EIF3M: variants seen among roughly 807,000 people sequenced by gnomAD.
The protein encoded by EIF3M is eukaryotic translation initiation factor 3 subunit M, also known as B5 receptor.
A neutral mutation model predicts 49.7 loss-of-function variants in EIF3M; 25 were observed. That is an observed-to-expected ratio of 0.50 (90% confidence interval 0.37 to 0.70). The LOEUF is 0.70. EIF3M is among the 30% of genes least tolerant of loss of function. EIF3M has a pLI of 0.00. For synonymous variants in EIF3M, 156 were observed against 149.8 expected (o/e 1.04, Z -0.30); for missense variants, 350 against 440.0 (o/e 0.80, Z 1.83).
In EIF3M at chr11:32,603,319, A is replaced by G; in HGVS notation, c.*920A>G. 3.9e-6 allele frequency: 1 copy of G among 258,278 alleles called. No individual in the cohort carries two copies. Among genetic ancestry groups the G allele is most frequent in the Non-Finnish European group, 7.3e-6 (1 of 137,186 alleles). 16.0% of individuals were successfully genotyped at this position (258,278 alleles called of 1,614,324 possible). A position where few individuals can be genotyped will look rare whatever the true frequency, so the allele number is the denominator to read the frequency against. On this transcript the variant is annotated 3_prime_UTR_variant, in exon 11 of 11. Transcript: ENST00000531120. ...TTGAAGAAACAGGAAGGGCAGTGAG[A>G]TATTTGGAAGTTGGCATGTTTTCAA... is the stretch of plus-strand genomic sequence containing the variant.
At chr11:32,592,742 G>T (rs573935435) in intron 5 of EIF3M, 1 of 491,294 alleles carries the variant, frequency 2.0e-6, no homozygotes, top group South Asian at 1.5e-5. Context: ...TTTTTTAGCT[G>T]CTCTGGCTCC....
rs1855297373 is a variant in EIF3M at position 32,603,058 on chromosome 11, A to C, written c.*659A>C. The C allele has an allele frequency of 6.7e-7, 1 of 1,496,206 alleles. No homozygotes were observed. The highest frequency in any genetic ancestry group is 1.4e-5 in the African/African-American group (1 of 70,894). The allele number at this position is 1,496,206 out of a possible 1,614,324, so 92.7% of individuals were successfully genotyped here. A position where few individuals can be genotyped will look rare whatever the true frequency, so the allele number is the denominator to read the frequency against. ...AACTAATTTTACCTTCGAAATTATT[A>C]TACAAAAGATTTTAAAGAGTCTGTA... On this transcript the variant is annotated 3_prime_UTR_variant, in exon 11 of 11. Coordinates refer to ENST00000531120, the MANE Select transcript of EIF3M (RefSeq NM_006360.6).
chr11:32,602,793 T>G lies in EIF3M; in HGVS notation c.*394T>G, dbSNP rs1445185930. 1 of 1,493,534 alleles carries G rather than the reference T, an allele frequency of 6.7e-7. No individual in the cohort carries two copies. Among genetic ancestry groups the G allele is most frequent in the African/African-American group, 1.4e-5 (1 of 70,728 alleles). 92.5% of individuals were successfully genotyped at this position (1,493,534 alleles called of 1,614,324 possible). A position where few individuals can be genotyped will look rare whatever the true frequency, so the allele number is the denominator to read the frequency against. ...AATTTCAGTTACATAATTTCACTAC[T>G]GAAAGCACTTATCTACATTATTTTA... On this transcript the variant is annotated 3_prime_UTR_variant, in exon 11 of 11. Transcript: ENST00000531120.
chr11:32,602,754 A>G lies in EIF3M; in HGVS notation c.*355A>G. 7.9e-7 allele frequency: 1 copy of G among 1,270,620 alleles called. No individual in the cohort carries two copies. Among genetic ancestry groups the G allele is most frequent in the East Asian group, 2.5e-5 (1 of 39,776 alleles). The allele number at this position is 1,270,620 out of a possible 1,614,324, so 78.7% of individuals were successfully genotyped here. A position where few individuals can be genotyped will look rare whatever the true frequency, so the allele number is the denominator to read the frequency against. On this transcript the variant is annotated 3_prime_UTR_variant, in exon 11 of 11. Coordinates refer to ENST00000531120, the MANE Select transcript of EIF3M (RefSeq NM_006360.6). ...AATACAACAGTCATTTTATTCTAGT[A>G]AAAACTATACCAGAATTTCAGTTAC...
In EIF3M at chr11:32,605,986, C is replaced by T. The variant is rs1855345381; in HGVS notation, c.*3587C>T. 6.7e-6 allele frequency: 1 copy of T among 149,530 alleles called. No homozygotes were observed. Among genetic ancestry groups the T allele is most frequent in the Non-Finnish European group, 1.5e-5 (1 of 67,508 alleles). 9.3% of individuals were successfully genotyped at this position (149,530 alleles called of 1,614,324 possible). A position where few individuals can be genotyped will look rare whatever the true frequency, so the allele number is the denominator to read the frequency against. ...CCTGTGATTATATTTTAAAATTAAACTTAAATGAATCTAATTCATTGGATA... is the reference window on the plus strand; with the variant it reads ...CCTGTGATTATATTTTAAAATTAAATTTAAATGAATCTAATTCATTGGATA... On this transcript the variant is annotated 3_prime_UTR_variant, in exon 11 of 11. Coordinates refer to ENST00000531120, the MANE Select transcript of EIF3M (RefSeq NM_006360.6).
intron 8 of EIF3M, among the ~76,000 whole-genome samples, chr11:32,599,106 C>T (rs1460601767): frequency 6.6e-6 from 1 of 152,006 alleles, no homozygotes; most frequent in Non-Finnish European, 1.5e-5. Flanking sequence ...CCACAAGTTG[C>T]AATCAGTTTG....
chr11:32,595,639 T>G (rs1240722385), intron 7 of EIF3M, among the ~76,000 whole-genome samples: 1 of 152,254 alleles, frequency 6.6e-6, no homozygotes, highest in Non-Finnish European at 1.5e-5. Flanking sequence ...CTTAGGAATA[T>G]AAGTCTGATA....
chr11:32,600,970 G>A, intron 9 of EIF3M, 138 bp downstream of exon 9: 1 of 1,104,720 alleles, frequency 9.1e-7, no homozygotes, highest in Non-Finnish European at 1.2e-6. Flanking sequence ...GTAGATTAGT[G>A]GATATATTTG....
At chr11:32,593,759 T>TA in intron 5 of EIF3M, 107 bp from the exon 6 acceptor site, 1 of 647,472 alleles carries the variant, frequency 1.5e-6, no homozygotes, top group East Asian at 3.3e-5. Context: ...TTGTCTCTCT[T>TA]AGTCACCGTT....
chr11:32,594,009 T>G, intron 6 of EIF3M, 60 bp downstream of exon 6: 1 of 1,160,920 alleles, frequency 8.6e-7, no homozygotes, highest in Non-Finnish European at 1.2e-6. Context: ...AGCTACAATA[T>G]TAAATTAAGT....
chr11:32,588,478 G>A (rs564122367), intron 2 of EIF3M, 116 bp from the exon 3 acceptor site: 72 of 1,195,026 alleles, frequency 6.0e-5, no homozygotes, highest in Admixed American at 1.4e-4. Context: ...TTCTGAATGC[G>A]AAAGTGTCTT....
At chr11:32,596,363 G>A (rs1431495281) in intron 8 of EIF3M, among the ~76,000 whole-genome samples, 3 of 151,830 alleles carry the variant, frequency 2.0e-5, no homozygotes, top group Non-Finnish European at 4.4e-5. Flanking sequence ...AGGCCGAGGC[G>A]GGCGGATCAC....
intron 1 of EIF3M, among the ~76,000 whole-genome samples, chr11:32,586,178 G>T (rs1046550270): frequency 6.6e-5 from 10 of 152,118 alleles, no homozygotes; most frequent in African/African-American, 2.2e-4. Context: ...GCAGTGAGCC[G>T]GGATCGCTCC....
chr11:32,595,834 G>A, intron 7 of EIF3M, 132 bp from the exon 8 acceptor site: 1 of 652,562 alleles, frequency 1.5e-6, no homozygotes, highest in South Asian at 2.0e-5. Flanking sequence ...TGATGAAACA[G>A]AATGATATTT....
intron 1 of EIF3M, among the ~76,000 whole-genome samples, chr11:32,584,818 G>T (rs953641495): frequency 3.9e-5 from 6 of 152,106 alleles, no homozygotes; most frequent in Admixed American, 1.3e-4. Flanking sequence ...TTCCCGTTTG[G>T]CGTTTGCTCT....
At chr11:32,585,995 C>G (rs999630105) in intron 1 of EIF3M, among the ~76,000 whole-genome samples, 6 of 152,090 alleles carry the variant, frequency 3.9e-5, no homozygotes, top group Non-Finnish European at 8.8e-5. Context: ...TTTGGGAGGC[C>G]GAGGCCCGTG....
chr11:32,594,172 G>A (rs79909167), intron 6 of EIF3M: 2 of 341,022 alleles, frequency 5.9e-6, no homozygotes, highest in South Asian at 1.4e-4. Flanking sequence ...TACCTGGCGG[G>A]GGGGGTATTG....
chr11:32,588,403 A>G (rs1180427633), intron 2 of EIF3M, among the ~76,000 whole-genome samples, 191 bp from the exon 3 acceptor site: 1 of 151,386 alleles, frequency 6.6e-6, no homozygotes, highest in Non-Finnish European at 1.5e-5. Context: ...AAAAAAAAAA[A>G]AAAAAAAAGA....
intron 8 of EIF3M, among the ~76,000 whole-genome samples, chr11:32,599,804 T>C (rs1855233674): frequency 2.0e-5 from 3 of 151,928 alleles, no homozygotes; most frequent in African/African-American, 7.2e-5. Context: ...GAAATGAACC[T>C]ATTCTAGGCC....
Sources: gnomAD v4.1 joint callset for allele counts (sites outside exome capture counted in the v4.1 genomes callset) on GRCh38, gnomAD v4.1.1 for gene constraint, MANE v1.5 for transcripts, NCBI Gene and HGNC (gene_info 2026-07-23, HGNC 2026-07-21) for gene names.